The following B3GALT1 variants were observed in gnomAD, a reference collection of about 807,000 sequenced individuals.
B3GALT1 encodes beta-1,3-galactosyltransferase 1, also known as UDP-Gal:betaGlcNAc beta 1,3-galactosyltransferase, polypeptide 1.
B3GALT1 carries 10 observed loss-of-function variants against 23.2 expected under a neutral mutation model. That is an observed-to-expected ratio of 0.43 (90% CI 0.27 to 0.73). The LOEUF (loss-of-function observed/expected upper bound fraction) is 0.73, where lower values mean the gene tolerates loss of function less well. Ranked by LOEUF, B3GALT1 falls within the 30% of genes least tolerant of loss-of-function variation. The pLI is 0.21. For synonymous variants in B3GALT1, 156 were observed against 141.5 expected, an observed-to-expected ratio of 1.10 and a Z score of -0.73; for missense variants, 299 against 405.4, an observed-to-expected ratio of 0.74 and a Z score of 2.25.
intron 2 of B3GALT1, among the ~76,000 whole-genome samples, chr2:167,607,478 T>A (rs1363161100): frequency 1.3e-5 from 2 of 152,210 alleles, no homozygotes; most frequent in Admixed American, 1.3e-4. Flanking sequence ...TTACTGCTAG[T>A]GCATATAACT....
intron 3 of B3GALT1, among the ~76,000 whole-genome samples, chr2:167,651,145 A>G (rs922823196): frequency 6.6e-6 from 1 of 151,838 alleles, no homozygotes; most frequent in African/African-American, 2.4e-5. Context: ...TCAGAATACT[A>G]TTGCTCCAGT....
chr2:167,395,904 C>T (rs1015745750), intron 1 of B3GALT1, among the ~76,000 whole-genome samples: 3 of 152,094 alleles, frequency 2.0e-5, no homozygotes, highest in Non-Finnish European at 2.9e-5. Flanking sequence ...AGGAATTTCA[C>T]AGTTTGACAA....
At chr2:167,827,057 G>A (rs2105373989) in intron 4 of B3GALT1, among the ~76,000 whole-genome samples, 1 of 152,260 alleles carries the variant, frequency 6.6e-6, no homozygotes, top group South Asian at 2.1e-4. Flanking sequence ...GAACAATCAT[G>A]CTTCCTGTTC....
intron 2 of B3GALT1, among the ~76,000 whole-genome samples, chr2:167,550,998 G>A (rs928508098): frequency 6.6e-6 from 1 of 152,114 alleles, no homozygotes; most frequent in Non-Finnish European, 1.5e-5. Context: ...ATCCCCCACG[G>A]CCCACAGACC....
At chr2:167,296,393 AAACT>A (rs1483474332) in intron 1 of B3GALT1, among the ~76,000 whole-genome samples, 3 of 152,194 alleles carry the variant, frequency 2.0e-5, no homozygotes, top group African/African-American at 7.2e-5. Flanking sequence ...TCTTTTTCTA[AAACT>A]AACAATGTTA....
At chr2:167,311,662 G>A (rs554590294) in intron 1 of B3GALT1, among the ~76,000 whole-genome samples, 23 of 152,002 alleles carry the variant, frequency 1.5e-4, no homozygotes, top group Non-Finnish European at 2.9e-4. Flanking sequence ...TAACATACTT[G>A]AAAAAGAATC....
chr2:167,818,259 C>T (rs1194736988), intron 3 of B3GALT1, among the ~76,000 whole-genome samples: 3 of 152,186 alleles, frequency 2.0e-5, no homozygotes, highest in East Asian at 1.9e-4. Context: ...AAAAATTGGA[C>T]GTTGTGACAT....
chr2:167,436,365 C>G (rs1698787570), intron 1 of B3GALT1, among the ~76,000 whole-genome samples: 1 of 152,078 alleles, frequency 6.6e-6, no homozygotes, highest in Non-Finnish European at 1.5e-5. Context: ...TACACTTTTT[C>G]CCAGACGTAT....
intron 2 of B3GALT1, among the ~76,000 whole-genome samples, chr2:167,640,278 GT>G (rs766375163): frequency 1.2e-4 from 18 of 152,100 alleles, no homozygotes; most frequent in Non-Finnish European, 2.2e-4. Context: ...TGTGAGCAGT[GT>G]AACACATTGT....
At chr2:167,721,152 A>C (rs1687226503) in intron 3 of B3GALT1, among the ~76,000 whole-genome samples, 1 of 152,154 alleles carries the variant, frequency 6.6e-6, no homozygotes, top group South Asian at 2.1e-4. Flanking sequence ...TTCGTCATTG[A>C]AAATACACTC....
At chr2:167,376,925 G>A (rs1236314138) in intron 1 of B3GALT1, among the ~76,000 whole-genome samples, 1 of 152,070 alleles carries the variant, frequency 6.6e-6, no homozygotes, top group African/African-American at 2.4e-5. Flanking sequence ...CTCTAGATGT[G>A]ATGATAGATC....
chr2:167,794,498 TTTAGCAGG>T (rs1688506973), intron 3 of B3GALT1, among the ~76,000 whole-genome samples: 1 of 152,208 alleles, frequency 6.6e-6, no homozygotes. Flanking sequence ...AATTCCCTCA[TTTAGCAGG>T]AAACCAATTT....
At chr2:167,771,248 T>G (rs1688067782) in intron 3 of B3GALT1, among the ~76,000 whole-genome samples, 1 of 152,328 alleles carries the variant, frequency 6.6e-6, no homozygotes, top group East Asian at 1.9e-4. Flanking sequence ...AAGAGTTATT[T>G]TCTCCCTTTT....
rs182640549 is a variant in B3GALT1, at chr2:167,368,736, C to T, written c.-511+75402C>T. Among the ~76,000 whole-genome samples the T allele has an allele frequency of 9.3e-4, 141 of 152,188 alleles. 2 individuals carry two copies. The South Asian group carries it at 0.014, about 15-fold the overall frequency. On this transcript the variant is annotated intron_variant, in intron 1 of 4. Coordinates refer to ENST00000392690, the MANE Select transcript of B3GALT1 (RefSeq NM_020981.4). Reference sequence around the variant, plus strand: ...TCACAGTGATGTCTCTAACTTTAACCTTGTGTATGTTCAAATGTTATCCTT... The same window carrying T: ...TCACAGTGATGTCTCTAACTTTAACTTTGTGTATGTTCAAATGTTATCCTT...
At chr2:167,800,712 C>G (rs978237447) in intron 3 of B3GALT1, among the ~76,000 whole-genome samples, 14 of 152,140 alleles carry the variant, frequency 9.2e-5, no homozygotes, top group African/African-American at 3.1e-4. Context: ...AGAGAGGTTT[C>G]CACTGAGGAA....
intron 4 of B3GALT1, among the ~76,000 whole-genome samples, chr2:167,821,373 C>CTTCT (rs1379143807): frequency 2.0e-5 from 3 of 148,838 alleles, no homozygotes; most frequent in East Asian, 2.0e-4. Context: ...TCCAATTTAT[C>CTTCT]TTCTTTGGAA....
chr2:167,663,963 T>C (rs1188362400), intron 3 of B3GALT1, among the ~76,000 whole-genome samples: 69 of 151,512 alleles, frequency 4.6e-4, no homozygotes, highest in Middle Eastern at 6.8e-3. Context: ...CTCTTTAGTT[T>C]AATGAGATCC....
At chr2:167,512,508 G>T (rs1177364959) in intron 2 of B3GALT1, among the ~76,000 whole-genome samples, 2 of 138,408 alleles carry the variant, frequency 1.4e-5, no homozygotes, top group African/African-American at 2.7e-5. Flanking sequence ...TATTATACAT[G>T]CATATATACA....
At chr2:167,666,611 T>C (rs1001208380) in intron 3 of B3GALT1, among the ~76,000 whole-genome samples, 3 of 152,100 alleles carry the variant, frequency 2.0e-5, no homozygotes, top group African/African-American at 7.2e-5. Flanking sequence ...CACTCAGGAC[T>C]TGCTTTATGA....
Sources: allele counts gnomAD v4.1 joint callset (sites outside exome capture counted in the v4.1 genomes callset), GRCh38; gene constraint gnomAD v4.1.1; transcripts MANE v1.5; gene names NCBI Gene and HGNC (gene_info 2026-07-23, HGNC 2026-07-21).